The following CAMKMT variants were observed in gnomAD, a reference collection of about 807,000 sequenced individuals.
CAMKMT encodes the protein calmodulin-lysine N-methyltransferase.
In CAMKMT, 53 loss-of-function variants were observed where a neutral mutation model predicts 48.0. That is an observed-to-expected ratio of 1.10 (90% CI 0.89 to 1.39). The LOEUF (loss-of-function observed/expected upper bound fraction) is 1.39. Among genes scored for constraint, CAMKMT ranks in the 40% most tolerant of loss-of-function variants. CAMKMT has a pLI of 0.00. For missense variants in CAMKMT, 428 were observed against 402.7 expected (o/e 1.06, Z -0.54); for synonymous variants, 165 against 152.3 (o/e 1.08, Z -0.61).
rs73924772 is a variant in CAMKMT, at chr2:44,459,913, A to G, written c.376+69608A>G. On this transcript the variant is annotated intron_variant, in intron 3 of 10. Coordinates refer to ENST00000378494, the MANE Select transcript of CAMKMT (RefSeq NM_024766.5). ...GGGATGGTAGTTATGCTGAGCACAC[A>G]TCAATAAGCTTGGAGTGTGATTCTA... 1.7e-3 allele frequency among the ~76,000 whole-genome samples: 265 copies of G among 152,312 alleles called. 1 individual carries two copies. The highest frequency in any genetic ancestry group is 5.7e-3 in the African/African-American group (238 of 41,578).
intron 10 of CAMKMT, among the ~76,000 whole-genome samples, chr2:44,771,382 G>T (rs1016470008): frequency 7.9e-5 from 12 of 152,080 alleles, no homozygotes; most frequent in Admixed American, 2.6e-4. Context: ...AAGAAAAAGT[G>T]TACTTCATAT....
At chr2:44,571,717 T>C (rs764759941) in intron 3 of CAMKMT, among the ~76,000 whole-genome samples, 5 of 152,162 alleles carry the variant, frequency 3.3e-5, no homozygotes, top group African/African-American at 4.8e-5. Context: ...CCTATGTTTG[T>C]AGTCCCGGGT....
At chr2:44,718,206 G>A (rs972016814) in intron 7 of CAMKMT, among the ~76,000 whole-genome samples, 2 of 152,070 alleles carry the variant, frequency 1.3e-5, no homozygotes, top group Non-Finnish European at 2.9e-5. Flanking sequence ...CACCATCCTT[G>A]CCTAAAGTAA....
chr2:44,585,431 T>C (rs1669804980), intron 3 of CAMKMT, among the ~76,000 whole-genome samples: 1 of 152,214 alleles, frequency 6.6e-6, no homozygotes, highest in South Asian at 2.1e-4. Flanking sequence ...CCAGACCATA[T>C]TCCTGTAGGA....
At chr2:44,660,697 G>GCCTCAGCTCAGGTGATCCTCTCA in intron 3 of CAMKMT, among the ~76,000 whole-genome samples, 1 of 152,026 alleles carries the variant, frequency 6.6e-6, no homozygotes, top group Non-Finnish European at 1.5e-5. Context: ...GCTCACTGCA[G>GCCTCAGCTCAGGTGATCCTCTCA]CCTCAGCTCA....
intron 3 of CAMKMT, among the ~76,000 whole-genome samples, chr2:44,525,085 A>AAC (rs1671333536): frequency 6.6e-6 from 1 of 152,136 alleles, no homozygotes; most frequent in African/African-American, 2.4e-5. Context: ...ACACGTTAGT[A>AAC]GTTATAGTAG....
intron 3 of CAMKMT, among the ~76,000 whole-genome samples, chr2:44,668,383 C>T (rs1475011361): frequency 6.6e-6 from 1 of 152,174 alleles, no homozygotes; most frequent in East Asian, 1.9e-4. Context: ...AAGTATTTTG[C>T]TCCTAAAATT....
In CAMKMT at chr2:44,468,520, A is replaced by G. The variant is rs116533539; in HGVS notation, c.376+78215A>G. Among the ~76,000 whole-genome samples, 292 of 152,326 alleles carry G rather than the reference A, an allele frequency of 1.9e-3. 1 individual carries two copies. Among genetic ancestry groups the G allele is most frequent in the African/African-American group, 6.7e-3 (279 of 41,572 alleles). ...CTGGGTATATATCCAAAGTAATTGAAATCAGTATATTGAAGAGCTATCTGC... is the reference window on the plus strand; with the variant it reads ...CTGGGTATATATCCAAAGTAATTGAGATCAGTATATTGAAGAGCTATCTGC... On this transcript the variant is annotated intron_variant, in intron 3 of 10. Transcript: ENST00000378494.
chr2:44,673,463 A>G (rs1229936532), intron 3 of CAMKMT, among the ~76,000 whole-genome samples: 63 of 133,422 alleles, frequency 4.7e-4, no homozygotes, highest in African/African-American at 1.4e-3. Context: ...AAGAGAAAGA[A>G]AGAGAGAGAG....
chr2:44,606,551 G>A (rs1477644246), intron 3 of CAMKMT, among the ~76,000 whole-genome samples: 5 of 152,126 alleles, frequency 3.3e-5, no homozygotes, highest in Non-Finnish European at 7.4e-5. Flanking sequence ...AAAAGAAGAT[G>A]ATATGGTGAG....
intron 3 of CAMKMT, among the ~76,000 whole-genome samples, chr2:44,455,485 C>T (rs1293045438): frequency 6.6e-6 from 1 of 152,086 alleles, no homozygotes; most frequent in Admixed American, 6.6e-5. Context: ...GTTTCCAACC[C>T]AATTGTCATT....
chr2:44,483,511 T>C (rs1419593813), intron 3 of CAMKMT, among the ~76,000 whole-genome samples: 1 of 152,120 alleles, frequency 6.6e-6, no homozygotes, highest in Non-Finnish European at 1.5e-5. Context: ...AGTCATAAAT[T>C]CTTGATGGCA....
At chr2:44,542,129 C>CAAA (rs542034096) in intron 3 of CAMKMT, among the ~76,000 whole-genome samples, 2 of 99,204 alleles carry the variant, frequency 2.0e-5, no homozygotes, top group East Asian at 3.2e-4. Context: ...AACTCTGTCT[C>CAAA]AAAAAAAAAA....
At chr2:44,482,428 A>G (rs975651735) in intron 3 of CAMKMT, among the ~76,000 whole-genome samples, 1 of 152,118 alleles carries the variant, frequency 6.6e-6, no homozygotes, top group Admixed American at 6.5e-5. Context: ...GTGAGCATCT[A>G]TTGCTATTTT....
At chr2:44,630,177 A>G (rs1672734199) in intron 3 of CAMKMT, among the ~76,000 whole-genome samples, 1 of 151,874 alleles carries the variant, frequency 6.6e-6, no homozygotes, top group East Asian at 1.9e-4. Context: ...TGGTGCTGGG[A>G]AAACTGGCTA....
intron 3 of CAMKMT, among the ~76,000 whole-genome samples, chr2:44,458,436 G>A (rs889140913): frequency 2.0e-5 from 3 of 152,104 alleles, no homozygotes; most frequent in African/African-American, 4.8e-5. Context: ...TATTTCACAC[G>A]GTTAAATGAG....
chr2:44,683,866 A>G (rs1676183837), intron 3 of CAMKMT, among the ~76,000 whole-genome samples: 5 of 151,656 alleles, frequency 3.3e-5, no homozygotes. Flanking sequence ...AGAAAAAGAA[A>G]AGAAAAATAG....
chr2:44,720,519 A>C (rs1484771625), intron 7 of CAMKMT, among the ~76,000 whole-genome samples: 1 of 152,236 alleles, frequency 6.6e-6, no homozygotes, highest in African/African-American at 2.4e-5. Flanking sequence ...TTCACTTAAA[A>C]ATAGAGCCAT....
At chr2:44,572,995 C>T (rs768263340) in intron 3 of CAMKMT, among the ~76,000 whole-genome samples, 1 of 152,062 alleles carries the variant, frequency 6.6e-6, no homozygotes, top group Non-Finnish European at 1.5e-5. Flanking sequence ...GCTGTTTGGC[C>T]GTCTATATCT....
Sources: gnomAD v4.1 joint callset for allele counts (sites outside exome capture counted in the v4.1 genomes callset) on GRCh38, gnomAD v4.1.1 for gene constraint, MANE v1.5 for transcripts, NCBI Gene and HGNC (gene_info 2026-07-23, HGNC 2026-07-21) for gene names.